CAPNS1: variants seen among roughly 807,000 people sequenced by gnomAD.
The protein encoded by CAPNS1 is CANP small subunit.
CAPNS1 carries 32 observed loss-of-function variants against 39.2 expected under a neutral mutation model. The ratio of observed to expected loss-of-function variants is 0.82; its 90% CI spans 0.62 to 1.10. The LOEUF (loss-of-function observed/expected upper bound fraction) is 1.10. Ranked by LOEUF, CAPNS1 falls within the 50% of genes least tolerant of loss-of-function variation. CAPNS1 has a pLI of 0.00. For missense variants in CAPNS1, 353 were observed against 373.1 expected (o/e 0.95, Z 0.44); for synonymous variants, 153 against 136.2 (o/e 1.12, Z -0.86).
chr19:36,141,272 G>T (rs375764514), intron 2 of CAPNS1, 52 bp downstream of exon 2: 342 of 1,479,678 alleles, frequency 2.3e-4, no homozygotes, highest in Non-Finnish European at 2.0e-4. Context: ...AGGAGCCTCA[G>T]TGAGGCGTGG....
In CAPNS1 at chr19:36,142,658, C is replaced by T. The variant is rs371312155; in HGVS notation, c.250C>T (p.Arg84Cys). ...AQYNPEPPPPRTHYSNIEANE... is the reference protein window; with the variant it reads ...AQYNPEPPPPCTHYSNIEANE... ...AGCTCTCCTCCCTTTGCAGCCCCCA[C>T]GCACACATTACTCCAACATTGAGGC... Residue 84 changes from arginine to cysteine, a missense_variant, in exon 4 of 11, where the codon CGC (arginine) becomes TGC (cysteine). Transcript: ENST00000246533. 1.2e-6 allele frequency: 2 copies of T among 1,614,046 alleles called. No homozygotes were observed. Among genetic ancestry groups the T allele is most frequent in the South Asian group, 1.1e-5 (1 of 91,076 alleles).
rs751284755 is a variant in CAPNS1, at chr19:36,146,098, G to C, written c.604+44G>C. ...TGCTGGGGCTGGGAGTGGGATGGGT[G>C]AGAAAACCTCTACTCAGCTGGTCTG... On this transcript the variant is annotated intron_variant, in intron 8 of 10. Coordinates refer to ENST00000246533, the MANE Select transcript of CAPNS1 (RefSeq NM_001749.4). 2.0e-5 allele frequency: 32 copies of C among 1,603,284 alleles called. No homozygotes were observed. The Admixed American group carries it at 5.2e-4, about 26-fold the overall frequency.
At chr19:36,146,572 C>T (rs1031974254) in intron 9 of CAPNS1, among the ~76,000 whole-genome samples, 10 of 152,046 alleles carry the variant, frequency 6.6e-5, no homozygotes, top group Non-Finnish European at 8.8e-5. Context: ...CAGCACAGGC[C>T]GAGGGTCTAG....
intron 5 of CAPNS1, 47 bp from the exon 6 acceptor site, chr19:36,143,017 G>A: frequency 1.9e-6 from 3 of 1,611,680 alleles, no homozygotes; most frequent in Non-Finnish European, 2.5e-6. Flanking sequence ...AGAGGGGTCA[G>A]AGAGGATTTG....
intron 9 of CAPNS1, among the ~76,000 whole-genome samples, chr19:36,148,511 TAA>T (rs74172784): frequency 3.3e-4 from 40 of 120,404 alleles, no homozygotes; most frequent in East Asian, 4.8e-4. Context: ...AGACACCGTC[TAA>T]AAAAAAAAAA....
chr19:36,142,272 C>T (rs746788790), intron 2 of CAPNS1, 28 bp from the exon 3 acceptor site: 1 of 1,564,444 alleles, frequency 6.4e-7, no homozygotes, highest in Non-Finnish European at 8.8e-7. Context: ...GCCCCTGGCA[C>T]TAACCCCTCC....
chr19:36,143,248 A>G, intron 6 of CAPNS1, 120 bp downstream of exon 6: 1 of 859,524 alleles, frequency 1.2e-6, no homozygotes, highest in Non-Finnish European at 2.0e-6. Context: ...TCATCAGAAC[A>G]CAGTCACCTG....
At chr19:36,147,940 G>C (rs1974632093) in intron 9 of CAPNS1, 1 of 152,038 alleles carries the variant, frequency 6.6e-6, no homozygotes, top group Non-Finnish European at 1.5e-5. Flanking sequence ...AGGCGTGGGG[G>C]CGTGTCTGTA....
intron 6 of CAPNS1, among the ~76,000 whole-genome samples, chr19:36,144,881 G>A (rs1401982018): frequency 6.6e-6 from 1 of 152,216 alleles, no homozygotes. Context: ...ACATCCAAAA[G>A]GTTTAGCACA....
Position 36,149,970 on chromosome 19 carries a change from T to C in CAPNS1, c.*131T>C. On this transcript the variant is annotated 3_prime_UTR_variant, in exon 11 of 11. Transcript: ENST00000246533. The stretch of plus-strand genomic sequence containing the variant: ...TGCTGACCCACAAGCTTTTGTTCTC[T>C]CAGTACTTGTTACCCAGCTTCTCAA... 1.2e-6 allele frequency: 1 copy of C among 850,650 alleles called. No homozygotes were observed. The highest frequency in any genetic ancestry group is 1.7e-6 in the Non-Finnish European group (1 of 605,660). The allele number at this position is 850,650 out of a possible 1,614,324, so 52.7% of individuals were successfully genotyped here.
At position 36,143,140 on chromosome 19, in the gene CAPNS1, G is replaced by A; in HGVS notation, c.456+12G>A. ...TGGCCGTGATGGATGTATCCTTGGG[G>A]GCAGTGTGGGAGAGGCCCTGGGTGG... On this transcript the variant is annotated intron_variant, in intron 6 of 10. Transcript: ENST00000246533. 6.2e-7 allele frequency: 1 copy of A among 1,613,424 alleles called. No homozygotes were observed. Among genetic ancestry groups the A allele is most frequent in the Middle Eastern group, 1.7e-4 (1 of 5,810 alleles).
chr19:36,141,306 A>C (rs1347632823), intron 2 of CAPNS1, 86 bp downstream of exon 2: 7 of 1,422,422 alleles, frequency 4.9e-6, no homozygotes, highest in Non-Finnish European at 6.4e-6. Context: ...TGGTCTAAAA[A>C]TAGAATAGGA....
In CAPNS1 at chr19:36,141,166, G is replaced by T. The variant is rs1168266744; in HGVS notation, c.155G>T (p.Gly52Val). 3 of 1,408,514 alleles carry T rather than the reference G, an allele frequency of 2.1e-6. No homozygotes were observed. Among genetic ancestry groups the T allele is most frequent in the African/African-American group, 1.5e-5 (1 of 65,836 alleles). 87.3% of individuals were successfully genotyped at this position (1,408,514 alleles called of 1,614,324 possible). Residue 52 changes from glycine (G) to valine (V), a missense_variant, in exon 2 of 11, where the codon GGC becomes GTC. Gly to Val is a moderately radical substitution (Grantham distance 109). Coordinates refer to ENST00000246533, the MANE Select transcript of CAPNS1 (RefSeq NM_001749.4). ...GGCGGCGGCGGCGGTGGTGGAGGCG[G>T]CGGTGGCGGTGGAACGGCCATGCGC... ...GGGGGGGGGGGGGGGTAMRIL... is the reference protein window; with the variant it reads ...GGGGGGGGGGVGGGGTAMRIL...
intron 6 of CAPNS1, among the ~76,000 whole-genome samples, chr19:36,144,769 A>G (rs1486336870): frequency 2.6e-5 from 4 of 152,206 alleles, no homozygotes; most frequent in Non-Finnish European, 5.9e-5. Context: ...AGAGCAAAGC[A>G]ATCCCAACTC....
intron 2 of CAPNS1, 99 bp from the exon 3 acceptor site, chr19:36,142,201 A>T: frequency 1.2e-6 from 1 of 803,558 alleles, no homozygotes; most frequent in South Asian, 1.3e-5. Flanking sequence ...TAAGGAAGAT[A>T]ACGGCTGGGG....
intron 2 of CAPNS1, 76 bp downstream of exon 2, chr19:36,141,296 T>G: frequency 7.0e-7 from 1 of 1,435,356 alleles, no homozygotes; most frequent in South Asian, 1.5e-5. Flanking sequence ...GGGAGGGGCG[T>G]GGTCTAAAAA....
In CAPNS1 at chr19:36,150,140, C is replaced by G. The variant is rs1312007638; in HGVS notation, c.*301C>G. ...TCCCCTGTACCTGTGCCAAGCCTAGCACTTGTGATGCCTCCATGCCCCGAG... is the reference window on the plus strand; with the variant it reads ...TCCCCTGTACCTGTGCCAAGCCTAGGACTTGTGATGCCTCCATGCCCCGAG... On this transcript the variant is annotated 3_prime_UTR_variant, in exon 11 of 11. Transcript: ENST00000246533. The G allele has an allele frequency of 3.1e-6, 1 of 326,166 alleles. No individual in the cohort carries two copies. The highest frequency in any genetic ancestry group is 5.5e-6 in the Non-Finnish European group (1 of 180,382). 20.2% of individuals were successfully genotyped at this position (326,166 alleles called of 1,614,324 possible). A position where few individuals can be genotyped will look rare whatever the true frequency, so the allele number is the denominator to read the frequency against.
intron 9 of CAPNS1, 38 bp from the exon 10 acceptor site, chr19:36,149,540 C>T (rs780529823): frequency 6.9e-7 from 1 of 1,441,580 alleles, no homozygotes; most frequent in Middle Eastern, 1.9e-4. Flanking sequence ...CAGTCTCCTT[C>T]CTTCCCTGCC....
At chr19:36,146,652 C>T (rs549269236) in intron 9 of CAPNS1, among the ~76,000 whole-genome samples, 2 of 152,208 alleles carry the variant, frequency 1.3e-5, no homozygotes, top group African/African-American at 2.4e-5. Flanking sequence ...AGGGCAAATC[C>T]AATCCAGGAG....
Sources: allele counts gnomAD v4.1 joint callset (sites outside exome capture counted in the v4.1 genomes callset), GRCh38; gene constraint gnomAD v4.1.1; transcripts MANE v1.5; gene names NCBI Gene and HGNC (gene_info 2026-07-23, HGNC 2026-07-21).